Variants in PSMA6 observed in about 807,000 individuals in gnomAD.
PSMA6 encodes the protein proteasome 20S subunit alpha 6.
For missense variants in PSMA6, 170 were observed against 294.8 expected, an observed-to-expected ratio of 0.58 and a Z score of 3.10; for synonymous variants, 88 against 97.7, an observed-to-expected ratio of 0.90 and a Z score of 0.59.
At chr14:35,292,686 C>T in intron 1 of PSMA6, 134 bp downstream of exon 1, 1 of 1,449,732 alleles carries the variant, frequency 6.9e-7, no homozygotes, top group Non-Finnish European at 9.2e-7. Context: ...ACGGCTGAAG[C>T]TGGATTGAGC....
chr14:35,298,120 TTACTGTG>T (rs1339348546), intron 1 of PSMA6, among the ~76,000 whole-genome samples: 3 of 152,176 alleles, frequency 2.0e-5, no homozygotes, highest in Non-Finnish European at 2.9e-5. Context: ...CTTAGGTATT[TTACTGTG>T]TATTTAAGAT....
At chr14:35,298,873 A>G (rs896141844) in intron 1 of PSMA6, among the ~76,000 whole-genome samples, 1 of 152,022 alleles carries the variant, frequency 6.6e-6, no homozygotes, top group Non-Finnish European at 1.5e-5. Context: ...AGCTGGGATT[A>G]CAGGCGCGCA....
rs374885364 is a variant in PSMA6, at chr14:35,307,080, G to A, written c.77-914G>A. ...GGAGAATCACTTGAACCTGGGAAGC[G>A]GAGGTTGTAGTAAGCCAAGATCGTG... On this transcript the variant is annotated intron_variant, in intron 1 of 6. Transcript: ENST00000261479. Among the ~76,000 whole-genome samples the A allele has an allele frequency of 5.3e-5, 8 of 151,918 alleles. No individual in the cohort carries two copies. In the East Asian group the frequency reaches 1.6e-3, roughly 30 times the overall value.
chr14:35,300,731 T>G (rs1286839833), intron 1 of PSMA6, among the ~76,000 whole-genome samples: 1 of 152,144 alleles, frequency 6.6e-6, no homozygotes, highest in Non-Finnish European at 1.5e-5. Flanking sequence ...TTTTCTCCCT[T>G]TCCCACGCAC....
At position 35,301,216 on chromosome 14, in the gene PSMA6, T is replaced by C. The variant is rs563504989; in HGVS notation, c.77-6778T>C. On this transcript the variant is annotated intron_variant, in intron 1 of 6. Coordinates refer to ENST00000261479, the MANE Select transcript of PSMA6 (RefSeq NM_002791.3). ...GAATGATATTCTTAACAAAGAACTTTAAATTTGGCTGAGCGCAGTGGTTCA... is the reference window on the plus strand; with the variant it reads ...GAATGATATTCTTAACAAAGAACTTCAAATTTGGCTGAGCGCAGTGGTTCA... Among the ~76,000 whole-genome samples the C allele has an allele frequency of 9.9e-5, 15 of 152,162 alleles. No individual in the cohort carries two copies. The South Asian group carries it at 2.9e-3, about 29-fold the overall frequency.
chr14:35,299,054 T>G (rs2051656714), intron 1 of PSMA6, among the ~76,000 whole-genome samples: 1 of 152,086 alleles, frequency 6.6e-6, no homozygotes, highest in Non-Finnish European at 1.5e-5. Context: ...TGAGACAGGG[T>G]CTCACTCTGT....
intron 5 of PSMA6, 24 bp downstream of exon 5, chr14:35,313,083 C>T: frequency 6.5e-7 from 1 of 1,549,246 alleles, no homozygotes; most frequent in Non-Finnish European, 8.6e-7. Context: ...AAGGAGCTGA[C>T]TTTTTTTATG....
chr14:35,279,863 G>T (rs2051346171), intron 1 of PSMA6, among the ~76,000 whole-genome samples: 2 of 152,218 alleles, frequency 1.3e-5, no homozygotes, highest in African/African-American at 2.4e-5. Context: ...GGTGGCTCAC[G>T]CCTGTAATCC....
At chr14:35,283,391 GA>G (rs1016150307) in intron 1 of PSMA6, among the ~76,000 whole-genome samples, 22 of 151,122 alleles carry the variant, frequency 1.5e-4, no homozygotes, top group Non-Finnish European at 2.5e-4. Context: ...GAGAGAAAGA[GA>G]AAAAATACTT....
upstream of PSMA6, among the ~76,000 whole-genome samples, chr14:35,288,984 C>A (rs1001358998): frequency 3.9e-5 from 6 of 152,122 alleles, no homozygotes; most frequent in Non-Finnish European, 7.3e-5. Flanking sequence ...TTTAGCCCAT[C>A]ACTTATCATT....
At chr14:35,286,259 C>T (rs1052265051) in intron 1 of PSMA6, among the ~76,000 whole-genome samples, 1 of 152,176 alleles carries the variant, frequency 6.6e-6, no homozygotes, top group Non-Finnish European at 1.5e-5. Flanking sequence ...ACAATATGAC[C>T]GTTCGCTTCT....
At chr14:35,305,640 A>G (rs940898801) in intron 1 of PSMA6, among the ~76,000 whole-genome samples, 2 of 152,234 alleles carry the variant, frequency 1.3e-5, no homozygotes, top group African/African-American at 4.8e-5. Flanking sequence ...GCTCAGACTC[A>G]GTGCCCAGAG....
intron 1 of PSMA6, among the ~76,000 whole-genome samples, chr14:35,294,480 G>A (rs2051544872): frequency 6.6e-6 from 1 of 152,226 alleles, no homozygotes; most frequent in Non-Finnish European, 1.5e-5. Flanking sequence ...GTCATACATG[G>A]ATTCAAATCT....
chr14:35,307,483 C>G (rs982086005), intron 1 of PSMA6, among the ~76,000 whole-genome samples: 1 of 152,034 alleles, frequency 6.6e-6, no homozygotes, highest in African/African-American at 2.4e-5. Flanking sequence ...CCTGTAATCC[C>G]TGCACTTTGG....
Position 35,308,000 on chromosome 14 carries a change from C to T in PSMA6, c.83C>T (p.Ala28Val). ...AAACTGTTCTGTTTTCCAGAATATGCTTTTAAGGCTATTAACCAGGGTGGC... is the reference window on the plus strand; with the variant it reads ...AAACTGTTCTGTTTTCCAGAATATGTTTTTAAGGCTATTAACCAGGGTGGC... ...PEGRLYQVEY[A>V]FKAINQGGLT... Residue 28 changes from alanine to valine, a missense_variant, in exon 2 of 7, where the codon GCT becomes GTT. Ala to Val is a moderately conservative substitution (Grantham distance 64). Coordinates refer to ENST00000261479, the MANE Select transcript of PSMA6 (RefSeq NM_002791.3). 6.2e-7 allele frequency: 1 copy of T among 1,613,772 alleles called. No individual in the cohort carries two copies. The highest frequency in any genetic ancestry group is 1.1e-5 in the South Asian group (1 of 91,078).
At chr14:35,285,491 T>C (rs965102741) in intron 1 of PSMA6, among the ~76,000 whole-genome samples, 2 of 152,186 alleles carry the variant, frequency 1.3e-5, no homozygotes, top group Non-Finnish European at 2.9e-5. Context: ...TCTCTCCCTC[T>C]CTCCAATTAC....
chr14:35,289,754 T>TA (rs200387822), upstream of PSMA6, among the ~76,000 whole-genome samples: 1 of 151,820 alleles, frequency 6.6e-6, no homozygotes, highest in African/African-American at 2.4e-5. Context: ...ACCTAGTCTC[T>TA]AAAAAAAATT....
At chr14:35,304,726 CAA>C (rs34824477) in intron 1 of PSMA6, among the ~76,000 whole-genome samples, 52 of 124,066 alleles carry the variant, frequency 4.2e-4, no homozygotes, top group African/African-American at 7.4e-4. Flanking sequence ...AACTCCATCT[CAA>C]AAAAAAAAAA....
intron 1 of PSMA6, among the ~76,000 whole-genome samples, chr14:35,307,380 AAAC>A (rs1382458637): frequency 1.3e-5 from 2 of 152,238 alleles, no homozygotes; most frequent in Non-Finnish European, 2.9e-5. Context: ...TGGCCACAAA[AAAC>A]CTTTTAAAAT....
Sources: gnomAD v4.1 joint callset for allele counts (sites outside exome capture counted in the v4.1 genomes callset) on GRCh38, gnomAD v4.1.1 for gene constraint, MANE v1.5 for transcripts, NCBI Gene and HGNC (gene_info 2026-07-23, HGNC 2026-07-21) for gene names.